DOP1B: variants seen among roughly 807,000 people sequenced by gnomAD.
The protein encoded by DOP1B is protein DOP1B.
A neutral mutation model predicts 233.5 loss-of-function variants in DOP1B; 174 were observed. The observed-to-expected ratio is 0.75, with a 90% CI of 0.66 to 0.85. DOP1B has a LOEUF of 0.85. DOP1B is among the 40% of genes least tolerant of loss of function. The pLI, the probability that DOP1B is intolerant of heterozygous loss-of-function variation, is 0.00. For synonymous variants in DOP1B, 1,190 were observed against 1,185.6 expected (o/e 1.00, Z -0.08); for missense variants, 2,652 against 2,846.6 (o/e 0.93, Z 1.56).
At chr21:36,181,833 A>ACTGAT (rs11269603) in intron 2 of DOP1B, among the ~76,000 whole-genome samples, 6 of 151,926 alleles carry the variant, frequency 3.9e-5, no homozygotes, top group Admixed American at 2.0e-4. Flanking sequence ...CTCACCTTCC[A>ACTGAT]TTTAATGGAA....
intron 33 of DOP1B, among the ~76,000 whole-genome samples, chr21:36,288,395 T>C (rs190001755): frequency 6.7e-4 from 102 of 152,278 alleles, no homozygotes; most frequent in Non-Finnish European, 1.3e-3. Flanking sequence ...TAGTTTTTTA[T>C]ATACATATAA....
In DOP1B at chr21:36,167,933, TCTTTTTC is replaced by T. The variant is rs1568996130; in HGVS notation, c.138+3063_138+3069del. 9.2e-3 allele frequency among the ~76,000 whole-genome samples: 702 copies of T among 76,174 alleles called. 45 individuals are homozygous for T. Among genetic ancestry groups the T allele is most frequent in the Non-Finnish European group, 0.012 (447 of 37,206 alleles). 50.0% of individuals were successfully genotyped at this position (76,174 alleles called of 152,430 possible). ...AGTCACATTTTCTTTTCTTTTCTTTTCTTTTTCTTTTTTTTTTTTTTTTTTTTCGAGA... is the reference window on the plus strand; with the variant it reads ...AGTCACATTTTCTTTTCTTTTCTTTTTTTTTTTTTTTTTTTTTTTTCGAGA... On this transcript the variant is annotated intron_variant, in intron 2 of 36. Coordinates refer to ENST00000691173, the MANE Select transcript of DOP1B (RefSeq NM_001320714.2).
chr21:36,231,156 GTCCC>G, intron 14 of DOP1B, 22 bp downstream of exon 14: 2 of 1,556,246 alleles, frequency 1.3e-6, no homozygotes, highest in Non-Finnish European at 1.7e-6. Flanking sequence ...CCCTGCCGAA[GTCCC>G]TCTTTGGGAA....
At chr21:36,215,274 A>G (rs2066545915) in intron 9 of DOP1B, among the ~76,000 whole-genome samples, 1 of 152,142 alleles carries the variant, frequency 6.6e-6, no homozygotes, top group Non-Finnish European at 1.5e-5. Context: ...AAACATTTTC[A>G]CTGTAAAATG....
intron 4 of DOP1B, among the ~76,000 whole-genome samples, chr21:36,204,901 T>A (rs1253852407): frequency 6.6e-6 from 1 of 152,096 alleles, no homozygotes; most frequent in Admixed American, 6.6e-5. Flanking sequence ...GTGATCCACC[T>A]GCCTCAGCCT....
intron 4 of DOP1B, among the ~76,000 whole-genome samples, 163 bp from the exon 5 acceptor site, chr21:36,208,552 C>A (rs1391565483): frequency 6.6e-6 from 1 of 152,230 alleles, no homozygotes; most frequent in African/African-American, 2.4e-5. Context: ...TGGACACACA[C>A]AGCAGGGTGA....
chr21:36,158,484 A>G (rs538101048), intron 1 of DOP1B, among the ~76,000 whole-genome samples: 137 of 152,270 alleles, frequency 9.0e-4, no homozygotes, highest in Admixed American at 7.7e-3. Context: ...CCTAATACCC[A>G]TCTCACAGGA....
At chr21:36,188,126 T>A (rs777029678) in intron 2 of DOP1B, among the ~76,000 whole-genome samples, 1 of 152,246 alleles carries the variant, frequency 6.6e-6, no homozygotes, top group Non-Finnish European at 1.5e-5. Context: ...GGTATGTGGA[T>A]AACTCATGCT....
Position 36,288,743 on chromosome 21 carries a change from A to AT in DOP1B, c.6298-4dup, listed in dbSNP as rs35902930. 0.13 allele frequency: 208,270 copies of AT among 1,569,310 alleles called. 12,824 individuals carry two copies. Among genetic ancestry groups the AT allele is most frequent in the South Asian group, 0.24 (20,891 of 87,388 alleles). On this transcript the variant is annotated splice_polypyrimidine_tract_variant and intron_variant, in intron 33 of 36. Coordinates refer to ENST00000691173, the MANE Select transcript of DOP1B (RefSeq NM_001320714.2). ...CTGTCTCAGATAGTAACTTGAATGCATTTTTTTTTCAGATTCAGACATTCA... is the reference window on the plus strand; with the variant it reads ...CTGTCTCAGATAGTAACTTGAATGCATTTTTTTTTTCAGATTCAGACATTCA...
At chr21:36,187,387 C>G (rs898971386) in intron 2 of DOP1B, among the ~76,000 whole-genome samples, 1 of 151,884 alleles carries the variant, frequency 6.6e-6, no homozygotes. Flanking sequence ...CTCCGCCTCC[C>G]AGGTTCAAGT....
intron 4 of DOP1B, among the ~76,000 whole-genome samples, chr21:36,204,099 T>A (rs1242403228): frequency 6.6e-6 from 1 of 152,142 alleles, no homozygotes; most frequent in Admixed American, 6.5e-5. Context: ...CAGGGTACAT[T>A]TGACAATATC....
intron 27 of DOP1B, among the ~76,000 whole-genome samples, chr21:36,274,411 C>T (rs2067326354): frequency 6.6e-6 from 1 of 152,134 alleles, no homozygotes; most frequent in African/African-American, 2.4e-5. Flanking sequence ...AGCAATTTAC[C>T]AAGGTGGAAA....
chr21:36,199,320 G>C (rs1477106679), intron 3 of DOP1B, 69 bp downstream of exon 3: 23 of 1,541,748 alleles, frequency 1.5e-5, no homozygotes, highest in South Asian at 2.6e-5. Context: ...CACAAGATGA[G>C]AAAATGACAA....
intron 2 of DOP1B, among the ~76,000 whole-genome samples, chr21:36,170,801 C>CA (rs750146188): frequency 8.8e-4 from 104 of 117,626 alleles, no homozygotes; most frequent in East Asian, 1.7e-3. Context: ...AACCCTGTTT[C>CA]AAAAAAAAAA....
intron 1 of DOP1B, among the ~76,000 whole-genome samples, chr21:36,160,553 C>G (rs1203460376): frequency 6.7e-6 from 1 of 149,886 alleles, no homozygotes; most frequent in East Asian, 2.0e-4. Context: ...TCCCAGCTCA[C>G]TGTAACTTCC....
At chr21:36,204,889 A>G (rs559813817) in intron 4 of DOP1B, among the ~76,000 whole-genome samples, 11 of 152,182 alleles carry the variant, frequency 7.2e-5, no homozygotes, top group Admixed American at 6.5e-4. Flanking sequence ...TCCTGGCCTC[A>G]AGTGATCCAC....
chr21:36,213,125 C>T (rs542176425), intron 7 of DOP1B, among the ~76,000 whole-genome samples: 2 of 152,368 alleles, frequency 1.3e-5, no homozygotes, highest in African/African-American at 4.8e-5. Context: ...AAGTCCTCTT[C>T]AGTCCTTCCT....
chr21:36,227,416 G>T (rs190994085), intron 12 of DOP1B, among the ~76,000 whole-genome samples: 31 of 150,976 alleles, frequency 2.1e-4, no homozygotes, highest in African/African-American at 3.7e-4. Flanking sequence ...GCGTGGTGGT[G>T]GGCACCTGTA....
Position 36,190,009 on chromosome 21 carries a change from C to CAAAAA in DOP1B, c.139-9047_139-9043dup, listed in dbSNP as rs541833307. ...TGGGTGACAGAGCGATACTCCGTCT[C>CAAAAA]AAAAAAAAAAAAAAAAAATGATTTT... is the stretch of plus-strand genomic sequence containing the variant. On this transcript the variant is annotated intron_variant, in intron 2 of 36. Coordinates refer to ENST00000691173, the MANE Select transcript of DOP1B (RefSeq NM_001320714.2). Among the ~76,000 whole-genome samples, 3 of 105,846 alleles carry CAAAAA rather than the reference C, an allele frequency of 2.8e-5. 1 individual carries two copies. The highest frequency in any genetic ancestry group is 3.0e-4 in the East Asian group (1 of 3,338). The allele number at this position is 105,846 out of a possible 152,430, so 69.4% of individuals were successfully genotyped here.
Sources: allele counts gnomAD v4.1 joint callset (sites outside exome capture counted in the v4.1 genomes callset), GRCh38; gene constraint gnomAD v4.1.1; transcripts MANE v1.5; gene names NCBI Gene and HGNC (gene_info 2026-07-23, HGNC 2026-07-21).